GIT2: variants seen among roughly 807,000 people sequenced by gnomAD.
The protein encoded by GIT2 is GIT ArfGAP 2.
GIT2 carries 32 observed loss-of-function variants against 100.3 expected under a neutral mutation model. The ratio of observed to expected loss-of-function variants is 0.32; its 90% CI spans 0.24 to 0.43. The LOEUF (loss-of-function observed/expected upper bound fraction) is 0.43, where lower values mean the gene tolerates loss of function less well. Ranked by LOEUF, GIT2 falls within the 20% of genes least tolerant of loss-of-function variation. The probability of loss-of-function intolerance (pLI) is 1.00; values close to 1 mark genes in which losing one functional copy is unlikely to be tolerated. For synonymous variants in GIT2, 353 were observed against 364.1 expected, an observed-to-expected ratio of 0.97 and a Z score of 0.35; for missense variants, 737 against 975.1, an observed-to-expected ratio of 0.76 and a Z score of 3.25.
At chr12:109,996,069 T>G in intron 1 of GIT2, 104 bp downstream of exon 1, 1 of 729,226 alleles carries the variant, frequency 1.4e-6, no homozygotes. Context: ...ACCTCTTCGT[T>G]GCGACCCTAG....
chr12:109,944,861 C>A (rs959853281), intron 16 of GIT2, among the ~76,000 whole-genome samples: 5 of 151,232 alleles, frequency 3.3e-5, no homozygotes, highest in Non-Finnish European at 7.4e-5. Flanking sequence ...TTTAGTACTT[C>A]AGCGAGTCCA....
At chr12:109,972,896 C>T (rs542287447) in intron 7 of GIT2, among the ~76,000 whole-genome samples, 84 of 152,284 alleles carry the variant, frequency 5.5e-4, no homozygotes, top group Non-Finnish European at 9.1e-4. Flanking sequence ...GAACACAGCT[C>T]ACTGTAGCCT....
At chr12:109,938,602 G>C in intron 17 of GIT2, 34 bp from the exon 18 acceptor site, 1 of 1,494,108 alleles carries the variant, frequency 6.7e-7, no homozygotes, top group Non-Finnish European at 9.0e-7. Flanking sequence ...AAATACAGCA[G>C]GTGCTTATCA....
chr12:109,973,228 C>T (rs557338006), intron 7 of GIT2, among the ~76,000 whole-genome samples: 2 of 152,256 alleles, frequency 1.3e-5, no homozygotes, highest in East Asian at 1.9e-4. Flanking sequence ...GCAACCTCTG[C>T]CTCCCAGGTT....
Position 109,959,903 on chromosome 12 carries a change from T to C in GIT2, c.1043A>G (p.Asp348Gly). 6.2e-7 allele frequency: 1 copy of C among 1,613,998 alleles called. No individual in the cohort carries two copies. Among genetic ancestry groups the C allele is most frequent in the Non-Finnish European group, 8.5e-7 (1 of 1,179,882 alleles). The change falls in exon 12 of 20, where the codon GAC becomes GGC. Residue 348 changes from aspartate to glycine, a missense_variant. Physicochemically the swap from Asp to Gly is moderately conservative, Grantham distance 94. This residue lies in a region of GIT2 where 451 missense variants were observed against 543.7 expected (regional missense o/e 0.83). Transcript: ENST00000355312. ...NAHEFATLVI[D>G]ILSDAKRRQQ... The stretch of plus-strand genomic sequence containing the variant: ...TCTCCTCTTGGCGTCACTGAGAATG[T>C]CAATGACCAGCGTGGCAAACTCATG...
chr12:109,992,336 G>A (rs981658622), intron 1 of GIT2, among the ~76,000 whole-genome samples: 2 of 151,650 alleles, frequency 1.3e-5, no homozygotes, highest in South Asian at 2.1e-4. Context: ...TAGCTGAGAC[G>A]GGGATTCATC....
chr12:109,991,875 T>A, intron 1 of GIT2, 115 bp from the exon 2 acceptor site: 2 of 881,260 alleles, frequency 2.3e-6, no homozygotes, highest in Non-Finnish European at 3.6e-6. Context: ...TTTGTTTCAG[T>A]ATGCTCATCA....
chr12:109,994,685 AG>A (rs1889020439), intron 1 of GIT2, among the ~76,000 whole-genome samples: 1 of 152,252 alleles, frequency 6.6e-6, no homozygotes, highest in South Asian at 2.1e-4. Context: ...ATGGCAATGG[AG>A]GAACAATTTT....
At chr12:109,953,288 C>A in intron 12 of GIT2, 54 bp from the exon 13 acceptor site, 1 of 1,572,578 alleles carries the variant, frequency 6.4e-7, no homozygotes, top group Admixed American at 1.7e-5. Context: ...GCTTTTCTTC[C>A]AAAAAACTAC....
In GIT2 at chr12:109,945,313, G is replaced by A; in HGVS notation, c.1678C>T (p.Leu560=). The part of the protein sequence containing the change: ...RSALVTSSSS[L]PSFPSTLSWS... ...GAAAGTGTGGAGGGGAAGGAAGGCA[G>A]AGATGAAGAGGAGGTCACAAGTGCA... The change falls in exon 16 of 20, where the codon CTG becomes TTG. Residue 560 remains leucine, a synonymous_variant. Transcript: ENST00000355312. 1 of 1,585,776 alleles carries A rather than the reference G, an allele frequency of 6.3e-7. No homozygotes were observed. Among genetic ancestry groups the A allele is most frequent in the South Asian group, 1.1e-5 (1 of 90,384 alleles).
chr12:109,988,900 T>C (rs1219037347), intron 4 of GIT2, 63 bp downstream of exon 4: 5 of 941,964 alleles, frequency 5.3e-6, no homozygotes, highest in Non-Finnish European at 8.2e-6. Context: ...TTTTCGTTTT[T>C]TCAAATAAAA....
rs577864928 is a variant in GIT2, at chr12:109,962,633, CCT to C, written c.817-950_817-949del. Among the ~76,000 whole-genome samples the C allele has an allele frequency of 2.8e-3, 434 of 152,324 alleles. 2 individuals carry two copies. The highest frequency in any genetic ancestry group is 4.8e-3 in the South Asian group (23 of 4,832). On this transcript the variant is annotated intron_variant, in intron 9 of 19. Transcript: ENST00000355312. This position sits in a 1 kb window ranked among gnomAD's most constrained non-coding sequence, Gnocchi z 4.3. ...TTAAGCCTCTTCTGGGGTGGCTCCG[CCT>C]CTCTCTGCACTTTCTGCCTCATGCA...
intron 12 of GIT2, among the ~76,000 whole-genome samples, chr12:109,957,938 T>C (rs1055369555): frequency 6.6e-6 from 1 of 152,072 alleles, no homozygotes; most frequent in African/African-American, 2.4e-5. Context: ...ACTTTGTTTT[T>C]TAAGTTAAAA....
chr12:109,991,813 GC>G, intron 1 of GIT2, 53 bp from the exon 2 acceptor site: 1 of 1,521,422 alleles, frequency 6.6e-7, no homozygotes, highest in Non-Finnish European at 9.0e-7. Context: ...TTGCTATACC[GC>G]CAGATGGCAA....
At position 109,932,676 on chromosome 12, in the gene GIT2, G is replaced by C. The variant is rs545873661; in HGVS notation, c.*302C>G. 4.5e-6 allele frequency: 1 copy of C among 224,372 alleles called. No individual in the cohort carries two copies. Among genetic ancestry groups the C allele is most frequent in the Non-Finnish European group, 8.7e-6 (1 of 114,402 alleles). 13.9% of individuals were successfully genotyped at this position (224,372 alleles called of 1,614,324 possible). On this transcript the variant is annotated 3_prime_UTR_variant, in exon 20 of 20. Coordinates refer to ENST00000355312, the MANE Select transcript of GIT2 (RefSeq NM_057169.5). ...GCAGGGAGTTTTAAGGGATGGAAAA[G>C]TTTTCACAAACTTTAGACAATGAAA... is the stretch of plus-strand genomic sequence containing the variant.
At chr12:109,999,552 G>C, upstream of GIT2, 1 of 588,474 alleles carries the variant, frequency 1.7e-6, no homozygotes, top group Non-Finnish European at 2.5e-6. This position sits in a 1 kb window ranked among gnomAD's most constrained non-coding sequence, Gnocchi z 4.3. Flanking sequence ...GCACCCGACC[G>C]GCTCAGCCGG....
At position 109,929,853 on chromosome 12, in the gene GIT2, C is replaced by T. The variant is rs775122038; in HGVS notation, c.*3125G>A. The T allele has an allele frequency of 2.0e-5, 3 of 152,466 alleles. No individual in the cohort carries two copies. Among genetic ancestry groups the T allele is most frequent in the South Asian group, 2.1e-4 (1 of 4,822 alleles). 9.4% of individuals were successfully genotyped at this position (152,466 alleles called of 1,614,324 possible). A position where few individuals can be genotyped will look rare whatever the true frequency, so the allele number is the denominator to read the frequency against. ...TAACTAGCAGGCACAAATTCCAAAA[C>T]GATTTTACAACACTTAAAGGGCACA... On this transcript the variant is annotated 3_prime_UTR_variant, in exon 20 of 20. Transcript: ENST00000355312.
rs1187840816 is a variant in GIT2 at position 109,976,283 on chromosome 12, A to ATT, written c.718+4667_718+4668dup. 1.6e-3 allele frequency among the ~76,000 whole-genome samples: 218 copies of ATT among 134,902 alleles called. 2 individuals are homozygous for ATT. Among genetic ancestry groups the ATT allele is most frequent in the Non-Finnish European group, 2.6e-3 (162 of 63,044 alleles). The allele number at this position is 134,902 out of a possible 152,430, so 88.5% of individuals were successfully genotyped here. Reference sequence around the variant, plus strand: ...TATATGCTGAAAACCCTACTAGATAATTTTTTTTTTTTTTTTTTTGAGACG... The same window carrying ATT: ...TATATGCTGAAAACCCTACTAGATAATTTTTTTTTTTTTTTTTTTTTGAGACG... On this transcript the variant is annotated intron_variant, in intron 7 of 19. Coordinates refer to ENST00000355312, the MANE Select transcript of GIT2 (RefSeq NM_057169.5).
chr12:109,960,213 C>T (rs1880688646), intron 11 of GIT2, among the ~76,000 whole-genome samples: 1 of 152,176 alleles, frequency 6.6e-6, no homozygotes, highest in South Asian at 2.1e-4. Context: ...TCTCACAATG[C>T]AGGTCTATTT....
Sources: allele counts gnomAD v4.1 joint callset (sites outside exome capture counted in the v4.1 genomes callset), GRCh38; gene constraint gnomAD v4.1.1; regional missense constraint gnomAD v4.1.1; non-coding constraint Gnocchi (gnomAD v3.1); transcripts MANE v1.5; gene names NCBI Gene and HGNC (gene_info 2026-07-23, HGNC 2026-07-21).